Variants in SAMD12 observed in about 807,000 individuals in gnomAD.
The protein encoded by SAMD12 is sterile alpha motif domain containing 12, also known as sterile alpha motif domain-containing protein 12.
SAMD12 carries 9 observed loss-of-function variants against 15.0 expected under a neutral mutation model. That is an observed-to-expected ratio of 0.60 (90% CI 0.36 to 1.05). The LOEUF is 1.05. Ranked by LOEUF, SAMD12 falls within the 50% of genes least tolerant of loss-of-function variation. The pLI, the probability that SAMD12 is intolerant of heterozygous loss-of-function variation, is 0.01. For synonymous variants in SAMD12, 86 were observed against 90.1 expected (o/e 0.96, Z 0.25); for missense variants, 230 against 234.2 (o/e 0.98, Z 0.12).
chr8:118,446,462 A>G (rs1372663827), intron 2 of SAMD12, among the ~76,000 whole-genome samples: 2 of 152,198 alleles, frequency 1.3e-5, no homozygotes, highest in African/African-American at 4.8e-5. Context: ...TGTGTAAACA[A>G]CTTTACTTGG....
chr8:118,370,436 A>C (rs1819031154), intron 4 of SAMD12, among the ~76,000 whole-genome samples: 3 of 152,192 alleles, frequency 2.0e-5, no homozygotes. Context: ...ATTACTGGGT[A>C]TATACCCAAA....
At chr8:118,408,571 CTGTTT>C (rs1821246689) in intron 3 of SAMD12, among the ~76,000 whole-genome samples, 1 of 152,168 alleles carries the variant, frequency 6.6e-6, no homozygotes, top group Non-Finnish European at 1.5e-5. Context: ...ACTTAACAAG[CTGTTT>C]TGTTTTAGCA....
chr8:118,208,675 G>A (rs1819935229), intron 4 of SAMD12, among the ~76,000 whole-genome samples: 1 of 152,216 alleles, frequency 6.6e-6, no homozygotes, highest in South Asian at 2.1e-4. Flanking sequence ...GTGCATGGAG[G>A]AAATTACTTT....
intron 2 of SAMD12, among the ~76,000 whole-genome samples, chr8:118,458,950 ATGTGTGTGTGTGTG>A (rs56067272): frequency 1.2e-4 from 18 of 149,376 alleles, no homozygotes; most frequent in African/African-American, 4.4e-4. Context: ...TCAGCTATAT[ATGTGTGTGTGTGTG>A]TGTGTGTGTG....
At chr8:118,492,678 C>T (rs932465753) in intron 2 of SAMD12, among the ~76,000 whole-genome samples, 8 of 152,078 alleles carry the variant, frequency 5.3e-5, no homozygotes, top group African/African-American at 1.9e-4. Context: ...AGAAGAGAAA[C>T]ATATTTCTTT....
the SAMD12 span, among the ~76,000 whole-genome samples, chr8:118,175,288 G>A: frequency 6.6e-6 from 1 of 152,148 alleles, no homozygotes; most frequent in Non-Finnish European, 1.5e-5. Context: ...TAACTGGATA[G>A]CCATATGCAG....
chr8:118,384,702 T>G (rs1056256122), intron 3 of SAMD12, among the ~76,000 whole-genome samples: 3 of 152,164 alleles, frequency 2.0e-5, no homozygotes, highest in Non-Finnish European at 4.4e-5. Context: ...TAGAGAGCAC[T>G]TGGGATATGC....
In SAMD12 at chr8:118,552,705, A is replaced by AAC. The variant is rs1375994969; in HGVS notation, c.192+28009_192+28010insGT. ...CGGCAATTAGGCAGGAGAAGGAAAT[A>AAC]AAGGGTATTCAATTAGGAAAAGAGG... On this transcript the variant is annotated intron_variant, in intron 2 of 3. Coordinates refer to ENST00000314727, the MANE Select transcript of SAMD12 (RefSeq NM_207506.3). 8.2e-3 allele frequency among the ~76,000 whole-genome samples: 1,249 copies of AAC among 152,316 alleles called. 4 individuals carry two copies. The highest frequency in any genetic ancestry group is 0.031 in the Middle Eastern group (9 of 294).
At chr8:118,274,782 G>A (rs946862545) in intron 4 of SAMD12, among the ~76,000 whole-genome samples, 1 of 152,116 alleles carries the variant, frequency 6.6e-6, no homozygotes, top group Admixed American at 6.6e-5. Context: ...CAAACACATA[G>A]ATATGGTCCA....
chr8:118,267,505 C>A (rs1025259581), intron 4 of SAMD12, among the ~76,000 whole-genome samples: 2 of 152,092 alleles, frequency 1.3e-5, no homozygotes, highest in African/African-American at 4.8e-5. Context: ...GGCATCACCT[C>A]AATAGCATGT....
chr8:118,349,364 T>C (rs1403731176), intron 4 of SAMD12, among the ~76,000 whole-genome samples: 25 of 151,878 alleles, frequency 1.6e-4, no homozygotes, highest in Admixed American at 1.6e-3. Context: ...CACAGGTGGA[T>C]GTAAAAAGTA....
the SAMD12 span, among the ~76,000 whole-genome samples, chr8:118,148,393 T>C: frequency 6.6e-6 from 1 of 152,208 alleles, no homozygotes; most frequent in African/African-American, 2.4e-5. Flanking sequence ...TATTCAGAAA[T>C]ATTAAGTAGT....
chr8:118,152,446 C>T, the SAMD12 span, among the ~76,000 whole-genome samples: 44 of 100,798 alleles, frequency 4.4e-4, 1 homozygote, highest in East Asian at 0.012. Context: ...CTTCCTTCCT[C>T]CCTCCCTCCC....
intron 3 of SAMD12, among the ~76,000 whole-genome samples, chr8:118,431,978 T>C (rs577939331): frequency 2.6e-5 from 4 of 152,198 alleles, no homozygotes; most frequent in South Asian, 2.1e-4. Context: ...GTGGTTTCTA[T>C]TGATTTACCT....
Position 118,479,827 on chromosome 8 carries a change from G to A in SAMD12, c.193-39866C>T, listed in dbSNP as rs946245087. On this transcript the variant is annotated intron_variant, in intron 2 of 3. Coordinates refer to ENST00000314727, the MANE Select transcript of SAMD12 (RefSeq NM_207506.3). Reference sequence around the variant, plus strand: ...TAGAAAGTAAGTTCTGCAAAAGTGGGTATGTTTGTCATTTGTGATCACTGC... The same window carrying A: ...TAGAAAGTAAGTTCTGCAAAAGTGGATATGTTTGTCATTTGTGATCACTGC... 5.3e-5 allele frequency among the ~76,000 whole-genome samples: 8 copies of A among 150,992 alleles called. No individual in the cohort carries two copies. The South Asian group carries it at 1.3e-3, about 24-fold the overall frequency.
chr8:118,491,362 A>G (rs924037596), intron 2 of SAMD12, among the ~76,000 whole-genome samples: 2 of 152,152 alleles, frequency 1.3e-5, no homozygotes, highest in Admixed American at 1.3e-4. Flanking sequence ...GACTCATGTC[A>G]CAAGTGATTT....
chr8:118,296,632 C>T (rs1422422308), intron 4 of SAMD12, among the ~76,000 whole-genome samples: 1 of 152,230 alleles, frequency 6.6e-6, no homozygotes, highest in East Asian at 1.9e-4. Context: ...GAAAGAATGA[C>T]ATAGCAGCTA....
chr8:118,501,637 A>C (rs1824785265), intron 2 of SAMD12, among the ~76,000 whole-genome samples: 1 of 152,190 alleles, frequency 6.6e-6, no homozygotes, highest in Non-Finnish European at 1.5e-5. Flanking sequence ...GACTGCAAGT[A>C]TATTAGCAGA....
the SAMD12 span, among the ~76,000 whole-genome samples, chr8:118,157,610 C>T: frequency 7.9e-5 from 12 of 152,152 alleles, no homozygotes; most frequent in African/African-American, 2.7e-4. Flanking sequence ...GGTTGCTGGA[C>T]GTACTCTTTA....
Sources: allele counts gnomAD v4.1 joint callset (sites outside exome capture counted in the v4.1 genomes callset), GRCh38; gene constraint gnomAD v4.1.1; transcripts MANE v1.5; gene names NCBI Gene and HGNC (gene_info 2026-07-23, HGNC 2026-07-21).